Variants in KCTD8 observed in about 807,000 individuals in gnomAD.
KCTD8 encodes the protein BTB/POZ domain-containing protein KCTD8.
KCTD8 carries 27 observed loss-of-function variants against 31.5 expected under a neutral mutation model. The ratio of observed to expected loss-of-function variants is 0.86; its 90% CI spans 0.63 to 1.18. KCTD8 has a LOEUF of 1.18. Among genes scored for constraint, KCTD8 ranks in the 50% most tolerant of loss-of-function variants. The pLI is 0.00. For missense variants in KCTD8, 658 were observed against 647.7 expected (o/e 1.02, Z -0.17); for synonymous variants, 290 against 280.0 (o/e 1.04, Z -0.36).
intron 1 of KCTD8, 72 bp downstream of exon 1, chr4:44,447,479 CGCGGGGCCTCCA>C: frequency 1.4e-6 from 2 of 1,434,594 alleles, no homozygotes; most frequent in African/African-American, 1.4e-5. Context: ...CGGACACCCC[CGCGGGGCCTCCA>C]GCGGGGCTCA....
At chr4:44,287,517 T>A (rs1437082650) in intron 1 of KCTD8, among the ~76,000 whole-genome samples, 1 of 152,204 alleles carries the variant, frequency 6.6e-6, no homozygotes, top group African/African-American at 2.4e-5. Flanking sequence ...AGGAAATTTA[T>A]CTATCTCAAG....
At chr4:44,332,503 A>C (rs1197579268) in intron 1 of KCTD8, among the ~76,000 whole-genome samples, 1 of 152,026 alleles carries the variant, frequency 6.6e-6, no homozygotes, top group Non-Finnish European at 1.5e-5. Flanking sequence ...TTCTCCATAG[A>C]TTCATACAAG....
chr4:44,429,873 G>A (rs919447601), intron 1 of KCTD8, among the ~76,000 whole-genome samples: 5 of 151,670 alleles, frequency 3.3e-5, no homozygotes, highest in Non-Finnish European at 7.4e-5. Flanking sequence ...CGTCAGATAA[G>A]ATGGGTTCAG....
chr4:44,221,328 C>G (rs1714800148), intron 1 of KCTD8, among the ~76,000 whole-genome samples: 1 of 148,720 alleles, frequency 6.7e-6, no homozygotes, highest in African/African-American at 2.5e-5. Flanking sequence ...CAGGGTCCAT[C>G]AGGTGTGTGT....
intron 1 of KCTD8, among the ~76,000 whole-genome samples, chr4:44,352,996 A>C (rs943064279): frequency 3.9e-5 from 6 of 152,156 alleles, no homozygotes; most frequent in Non-Finnish European, 4.4e-5. Context: ...ATAAAAATTC[A>C]CTTATTTTAA....
chr4:44,412,275 C>T (rs533276972), intron 1 of KCTD8, among the ~76,000 whole-genome samples: 3 of 152,226 alleles, frequency 2.0e-5, no homozygotes, highest in Non-Finnish European at 4.4e-5. Context: ...TACAAGACTA[C>T]TATAATAATT....
Position 44,298,337 on chromosome 4 carries a change from C to T in KCTD8, c.962-123087G>A, listed in dbSNP as rs77415031. 3.7e-3 allele frequency among the ~76,000 whole-genome samples: 566 copies of T among 151,958 alleles called. 3 individuals carry two copies. Among genetic ancestry groups the T allele is most frequent in the Non-Finnish European group, 5.9e-3 (398 of 67,956 alleles). ...GTTACATATACCACTTGAAATGGAT[C>T]GATATTTCTACAGGGAAGTGGCAAA... On this transcript the variant is annotated intron_variant, in intron 1 of 1. Coordinates refer to ENST00000360029, the MANE Select transcript of KCTD8 (RefSeq NM_198353.3).
chr4:44,399,353 T>C (rs1245091213), intron 1 of KCTD8, among the ~76,000 whole-genome samples: 1 of 152,126 alleles, frequency 6.6e-6, no homozygotes, highest in Non-Finnish European at 1.5e-5. Context: ...AGAGAGATCA[T>C]TCAGATGGAA....
rs115670644 is a variant in KCTD8 at position 44,401,187 on chromosome 4, T to A, written c.961+46376A>T. Reference sequence around the variant, plus strand: ...AAATCTTGAGTTTCTTAAGATGTAGTTGGGTATGATTAAGTAAATGCTGTA... The same window carrying A: ...AAATCTTGAGTTTCTTAAGATGTAGATGGGTATGATTAAGTAAATGCTGTA... On this transcript the variant is annotated intron_variant, in intron 1 of 1. Transcript: ENST00000360029. Among the ~76,000 whole-genome samples, 620 of 151,838 alleles carry A rather than the reference T, an allele frequency of 4.1e-3. 4 individuals are homozygous for A. Among genetic ancestry groups the A allele is most frequent in the African/African-American group, 0.014 (590 of 41,386 alleles).
intron 1 of KCTD8, among the ~76,000 whole-genome samples, chr4:44,293,034 A>AT (rs1441181970): frequency 6.6e-6 from 1 of 152,048 alleles, no homozygotes; most frequent in Non-Finnish European, 1.5e-5. Flanking sequence ...CTTGTAGATA[A>AT]TTTTTTCAGA....
rs560006548 is a variant in KCTD8, at chr4:44,299,573, C to T, written c.962-124323G>A. 7.2e-5 allele frequency among the ~76,000 whole-genome samples: 11 copies of T among 152,036 alleles called. No individual in the cohort carries two copies. In the South Asian group the frequency reaches 2.3e-3, roughly 32 times the overall value. ...GTGAAACTCCATCTTTCTAAACATA[C>T]AAAAATTAGCTGGACGTGGTGGCAA... On this transcript the variant is annotated intron_variant, in intron 1 of 1. Transcript: ENST00000360029.
intron 1 of KCTD8, among the ~76,000 whole-genome samples, chr4:44,435,198 A>G (rs1453985026): frequency 6.6e-6 from 1 of 151,996 alleles, no homozygotes; most frequent in Non-Finnish European, 1.5e-5. Context: ...GATGCTAAAA[A>G]CACCTAGCAA....
chr4:44,277,906 A>C (rs1205465836), intron 1 of KCTD8, among the ~76,000 whole-genome samples: 1 of 151,836 alleles, frequency 6.6e-6, no homozygotes, highest in Non-Finnish European at 1.5e-5. Flanking sequence ...AGTAAATTTT[A>C]CTCCATTCCT....
chr4:44,407,270 C>A (rs1720822737), intron 1 of KCTD8, among the ~76,000 whole-genome samples: 1 of 152,030 alleles, frequency 6.6e-6, no homozygotes, highest in South Asian at 2.1e-4. Flanking sequence ...ATGTCTAGTT[C>A]TCATCATTCT....
chr4:44,311,782 A>G (rs1717959161), intron 1 of KCTD8, among the ~76,000 whole-genome samples: 1 of 151,524 alleles, frequency 6.6e-6, no homozygotes, highest in African/African-American at 2.4e-5. Flanking sequence ...CCGTGGCTTG[A>G]TTGGATCGAA....
At chr4:44,300,986 G>C (rs1245253039) in intron 1 of KCTD8, among the ~76,000 whole-genome samples, 1 of 148,434 alleles carries the variant, frequency 6.7e-6, no homozygotes, top group Non-Finnish European at 1.5e-5. Context: ...TTGTCCTTGC[G>C]ATAGTTTACT....
At chr4:44,446,184 T>TA (rs1274266467) in intron 1 of KCTD8, among the ~76,000 whole-genome samples, 1 of 152,206 alleles carries the variant, frequency 6.6e-6, no homozygotes, top group African/African-American at 2.4e-5. Flanking sequence ...ATACAAACAC[T>TA]AAGCCAACCT....
intron 1 of KCTD8, among the ~76,000 whole-genome samples, chr4:44,304,235 T>C (rs1051844492): frequency 5.9e-5 from 9 of 152,110 alleles, no homozygotes; most frequent in African/African-American, 1.9e-4. Context: ...GAAAAATAGG[T>C]ATGTGGTACA....
intron 1 of KCTD8, among the ~76,000 whole-genome samples, chr4:44,420,938 T>C (rs371923185): frequency 2.6e-5 from 4 of 151,982 alleles, no homozygotes; most frequent in African/African-American, 4.8e-5. Flanking sequence ...ACTAGGATGA[T>C]TGTCATCCAA....
Sources: allele counts gnomAD v4.1 joint callset (sites outside exome capture counted in the v4.1 genomes callset), GRCh38; gene constraint gnomAD v4.1.1; transcripts MANE v1.5; gene names NCBI Gene and HGNC (gene_info 2026-07-23, HGNC 2026-07-21).